Variants in SLC38A2 observed in about 807,000 individuals in gnomAD.
SLC38A2 encodes solute carrier family 38 member 2, also known as sodium-coupled neutral amino acid symporter 2.
SLC38A2 carries 11 observed loss-of-function variants against 61.5 expected under a neutral mutation model. The ratio of observed to expected loss-of-function variants is 0.18; its 90% CI spans 0.11 to 0.30. SLC38A2 has a LOEUF of 0.30. SLC38A2 is among the 10% of genes least tolerant of loss of function. The pLI is 1.00. For missense variants in SLC38A2, 522 were observed against 600.4 expected (o/e 0.87, Z 1.36); for synonymous variants, 217 against 212.5 (o/e 1.02, Z -0.18).
intron 1 of SLC38A2, 56 bp from the exon 2 acceptor site, chr12:46,371,435 T>C (rs1352468008): frequency 1.1e-5 from 7 of 663,886 alleles, no homozygotes; most frequent in Non-Finnish European, 1.8e-5. Context: ...CGCGGTCACG[T>C]GACGCCGCCC....
In SLC38A2 at chr12:46,359,819, T is replaced by C. The variant is rs1421706313; in HGVS notation, c.*1292A>G. On this transcript the variant is annotated 3_prime_UTR_variant, in exon 16 of 16. Transcript: ENST00000256689. ...TTTCCCTAGCTAACCATTTGTTGGATGTAAACAAGTAATTCTACGTTGTAC... is the reference window on the plus strand; with the variant it reads ...TTTCCCTAGCTAACCATTTGTTGGACGTAAACAAGTAATTCTACGTTGTAC... The C allele has an allele frequency of 1.3e-5, 2 of 152,668 alleles. No individual in the cohort carries two copies. Among genetic ancestry groups the C allele is most frequent in the East Asian group, 3.8e-4 (2 of 5,204 alleles). The allele number at this position is 152,668 out of a possible 1,614,324, so 9.5% of individuals were successfully genotyped here.
chr12:46,362,209 T>C (rs573031131), intron 15 of SLC38A2, 75 bp downstream of exon 15: 2 of 1,188,442 alleles, frequency 1.7e-6, no homozygotes, highest in African/African-American at 1.6e-5. Context: ...ATAACAGCTA[T>C]GAGAATAAAA....
chr12:46,370,404 T>C, intron 4 of SLC38A2, 108 bp downstream of exon 4: 1 of 791,760 alleles, frequency 1.3e-6, no homozygotes. Flanking sequence ...TTTAAGCAAG[T>C]AACTTTTGAG....
intron 13 of SLC38A2, 182 bp downstream of exon 13, chr12:46,362,839 A>G (rs1367477726): frequency 3.1e-6 from 3 of 957,746 alleles, no homozygotes; most frequent in Admixed American, 3.3e-5. Flanking sequence ...TCTTATGGTG[A>G]AAAAAATGTC....
Position 46,366,720 on chromosome 12 carries a change from G to C in SLC38A2, c.563+144C>G, listed in dbSNP as rs147027809. ...TTCTCCAAAGTTCGAATCAGTTTACGGGGATGGGGGGCCTTCTTGGTCAGT... is the reference window on the plus strand; with the variant it reads ...TTCTCCAAAGTTCGAATCAGTTTACCGGGATGGGGGGCCTTCTTGGTCAGT... On this transcript the variant is annotated intron_variant, in intron 7 of 15. Coordinates refer to ENST00000256689, the MANE Select transcript of SLC38A2 (RefSeq NM_018976.5). The C allele has an allele frequency of 5.2e-5, 37 of 713,300 alleles. No homozygotes were observed. The East Asian group carries it at 9.7e-4, about 19-fold the overall frequency. The allele number at this position is 713,300 out of a possible 1,614,324, so 44.2% of individuals were successfully genotyped here.
Position 46,363,080 on chromosome 12 carries a change from TGAG to T in SLC38A2, c.1117_1119del (p.Leu373del). On this transcript the variant is annotated inframe_deletion, in exon 13 of 16. Coordinates refer to ENST00000256689, the MANE Select transcript of SLC38A2 (RefSeq NM_018976.5). ...GCCATTAACACAGCCAGACGGACAA[TGAG>T]AAGAAGAATATCAGTTCCCAAGATA... 1 of 1,613,028 alleles carries T rather than the reference TGAG, an allele frequency of 6.2e-7. No individual in the cohort carries two copies. The highest frequency in any genetic ancestry group is 8.5e-7 in the Non-Finnish European group (1 of 1,179,242).
chr12:46,366,958 A>T lies in SLC38A2; in HGVS notation c.482-13T>A, dbSNP rs745534316. The T allele has an allele frequency of 6.2e-7, 1 of 1,612,400 alleles. No individual in the cohort carries two copies. Among genetic ancestry groups the T allele is most frequent in the African/African-American group, 1.3e-5 (1 of 74,856 alleles). On this transcript the variant is annotated splice_polypyrimidine_tract_variant and intron_variant, in intron 6 of 15. Coordinates refer to ENST00000256689, the MANE Select transcript of SLC38A2 (RefSeq NM_018976.5). ...TAGCTTGACATAGCTGGAGGAAAAC[A>T]AAATTATACCATTACAAGTGCAAAA... is the stretch of plus-strand genomic sequence containing the variant.
chr12:46,363,731 A>G lies in SLC38A2; in HGVS notation c.1049T>C (p.Phe350Ser). 6.4e-7 allele frequency: 1 copy of G among 1,558,866 alleles called. No homozygotes were observed. The highest frequency in any genetic ancestry group is 8.6e-7 in the Non-Finnish European group (1 of 1,161,420). Residue 350 changes from phenylalanine to serine, a missense_variant, in exon 12 of 16, where the codon TTT becomes TCT. By Grantham distance (155) the Phe-to-Ser change is radical. This residue lies in a region of SLC38A2 where 309 missense variants were observed against 343.9 expected (regional missense o/e 0.90). Transcript: ENST00000256689. The stretch of plus-strand genomic sequence containing the variant: ...GTAAAGGAGGCGTTACTTACCGTAA[A>G]ATGTTAGGTATCCAAAGAGGGCGGC... ...LLAALFGYLT[F>S]YEHVESELLH...
In SLC38A2 at chr12:46,358,296, C is replaced by G. The variant is rs1200713553; in HGVS notation, c.*2815G>C. On this transcript the variant is annotated 3_prime_UTR_variant, in exon 16 of 16. Coordinates refer to ENST00000256689, the MANE Select transcript of SLC38A2 (RefSeq NM_018976.5). ...CAAGCCATACTAGAATTGTTGGCCT[C>G]TAACAGTACAGTGGGGATATTTACA... 6.6e-6 allele frequency: 1 copy of G among 152,604 alleles called. No homozygotes were observed. The highest frequency in any genetic ancestry group is 1.9e-4 in the East Asian group (1 of 5,206). The allele number at this position is 152,604 out of a possible 1,614,324, so 9.5% of individuals were successfully genotyped here.
At chr12:46,364,600 C>T (rs1447335848) in intron 9 of SLC38A2, 44 bp from the exon 10 acceptor site, 2 of 1,596,036 alleles carry the variant, frequency 1.3e-6, no homozygotes, top group Non-Finnish European at 8.5e-7. Flanking sequence ...AGTGACATGG[C>T]AGGGCTTATA....
At position 46,359,930 on chromosome 12, in the gene SLC38A2, TATCATATCA is replaced by T. The variant is rs1481567636; in HGVS notation, c.*1172_*1180del. The T allele has an allele frequency of 6.6e-6, 1 of 152,656 alleles. No individual in the cohort carries two copies. The highest frequency in any genetic ancestry group is 3.2e-3 in the Middle Eastern group (1 of 316). 9.5% of individuals were successfully genotyped at this position (152,656 alleles called of 1,614,324 possible). The stretch of plus-strand genomic sequence containing the variant: ...CAGTGGCCTACGCAAAGAGAACTTA[TATCATATCA>T]AACATAGGTGTAACCTGTGGATTAG... On this transcript the variant is annotated 3_prime_UTR_variant, in exon 16 of 16. Transcript: ENST00000256689.
chr12:46,371,492 G>C (rs972563944), intron 1 of SLC38A2, 113 bp from the exon 2 acceptor site: 2 of 541,076 alleles, frequency 3.7e-6, no homozygotes, highest in Non-Finnish European at 6.4e-6. Flanking sequence ...GAGTGGAAAA[G>C]TACCAGCCGC....
At chr12:46,364,935 C>T (rs1416043864) in intron 8 of SLC38A2, 172 bp downstream of exon 8, 5 of 707,828 alleles carry the variant, frequency 7.1e-6, no homozygotes, top group East Asian at 2.7e-5. Context: ...CAAAGCACAA[C>T]ATATAGTGTC....
rs748851853 is a variant in SLC38A2, at chr12:46,364,412, G to A, written c.850C>T (p.His284Tyr). The A allele has an allele frequency of 2.8e-5, 44 of 1,587,426 alleles. No homozygotes were observed. Among genetic ancestry groups the A allele is most frequent in the Non-Finnish European group, 3.5e-5 (41 of 1,172,540 alleles). Residue 284 changes from histidine to tyrosine, a missense_variant, in exon 10 of 16, where the codon CAC becomes TAC. Physicochemically the swap from His to Tyr is moderately conservative, Grantham distance 83. Around this residue, in one of 3 missense-constraint regions of SLC38A2, gnomAD observed 309 missense variants for 343.9 expected, o/e 0.90. Transcript: ENST00000256689. Reference sequence around the variant, plus strand: ...ACCTGTGAGTTGAAAATAAAATAGTGAGGTCTGCAAGAGTCATTTTCAGTC... The same window carrying A: ...ACCTGTGAGTTGAAAATAAAATAGTAAGGTCTGCAAGAGTCATTTTCAGTC... ...NVTENDSCRP[H>Y]YFIFNSQTVY...
At chr12:46,362,702 C>G (rs1177698561) in intron 13 of SLC38A2, 64 bp from the exon 14 acceptor site, 4 of 1,489,624 alleles carry the variant, frequency 2.7e-6, no homozygotes. Context: ...AAAAATCCAG[C>G]TTCAATGAAT....
chr12:46,365,720 A>G (rs1413250257), intron 7 of SLC38A2, among the ~76,000 whole-genome samples: 1 of 152,102 alleles, frequency 6.6e-6, no homozygotes, highest in East Asian at 1.9e-4. Flanking sequence ...AAAAAATTAT[A>G]AAACTCAGTC....
chr12:46,367,716 T>C (rs1213454166), intron 4 of SLC38A2, among the ~76,000 whole-genome samples: 1 of 152,196 alleles, frequency 6.6e-6, no homozygotes, highest in African/African-American at 2.4e-5. Context: ...ATTTCAGTAG[T>C]TCCCCTTATC....
intron 7 of SLC38A2, 40 bp from the exon 8 acceptor site, chr12:46,365,229 T>G (rs368725545): frequency 6.6e-7 from 1 of 1,511,150 alleles, no homozygotes; most frequent in African/African-American, 1.4e-5. Context: ...GTCACAAATA[T>G]CCTCTGAAAA....
Position 46,365,151 on chromosome 12 carries a change from A to G in SLC38A2, c.602T>C (p.Val201Ala), listed in dbSNP as rs1260011439. ...YLNGNYLVLL[V>A]SLVVILPLSL... Reference sequence around the variant, plus strand: ...CAAAGGAAGAATGACCACCAATGACACCAACAGAACCAAATAGTTCCCGTT... The same window carrying G: ...CAAAGGAAGAATGACCACCAATGACGCCAACAGAACCAAATAGTTCCCGTT... The change falls in exon 8 of 16, where the codon GTG (valine) becomes GCG (alanine). Residue 201 changes from valine (V) to alanine (A), a missense_variant. By Grantham distance (64) the Val-to-Ala change is moderately conservative. This residue lies in a region of SLC38A2 where 111 missense variants were observed against 173.4 expected (regional missense o/e 0.64). Transcript: ENST00000256689. The G allele has an allele frequency of 6.2e-7, 1 of 1,613,438 alleles. No individual in the cohort carries two copies. The highest frequency in any genetic ancestry group is 8.5e-7 in the Non-Finnish European group (1 of 1,179,670).
Sources: gnomAD v4.1 joint callset for allele counts (sites outside exome capture counted in the v4.1 genomes callset) on GRCh38, gnomAD v4.1.1 for gene constraint, gnomAD v4.1.1 regional missense constraint, MANE v1.5 for transcripts, NCBI Gene and HGNC (gene_info 2026-07-23, HGNC 2026-07-21) for gene names.